The following PCDHGB7 variants were observed in gnomAD, a reference collection of about 807,000 sequenced individuals.
The protein encoded by PCDHGB7 is protocadherin gamma subfamily B, 7.
In PCDHGB7, 37 loss-of-function variants were observed where a neutral mutation model predicts 61.4. The ratio of observed to expected loss-of-function variants is 0.60; its 90% CI spans 0.46 to 0.79. The LOEUF (loss-of-function observed/expected upper bound fraction) is 0.79. Among genes scored for constraint, PCDHGB7 ranks in the 30% least tolerant of loss-of-function variants. PCDHGB7 has a pLI of 0.00. For missense variants in PCDHGB7, 1,166 were observed against 1,202.5 expected, an observed-to-expected ratio of 0.97 and a Z score of 0.45; for synonymous variants, 464 against 503.5, an observed-to-expected ratio of 0.92 and a Z score of 1.05.
In PCDHGB7 at chr5:141,478,182, A is replaced by T. The variant is rs777228133; in HGVS notation, c.2416-16625A>T. The T allele has an allele frequency of 5.0e-6, 8 of 1,613,866 alleles. No individual in the cohort carries two copies. In the South Asian group the frequency reaches 8.8e-5, roughly 18 times the overall value. ...TCTGCCCCCCGGGAGCAGAAAAAAA[A>T]TCTCACCTTTTATCTACTTCTTTCT... is the stretch of plus-strand genomic sequence containing the variant. On this transcript the variant is annotated intron_variant, in intron 1 of 3. Transcript: ENST00000398594.
Position 141,489,160 on chromosome 5 carries a change from C to A in PCDHGB7, c.2416-5647C>A. 1 of 1,029,962 alleles carries A rather than the reference C, an allele frequency of 9.7e-7. No individual in the cohort carries two copies. The highest frequency in any genetic ancestry group is 1.4e-6 in the Non-Finnish European group (1 of 701,366). 63.8% of individuals were successfully genotyped at this position (1,029,962 alleles called of 1,614,324 possible). ...GGCTGGAAGGAGACATAAGAGACTT[C>A]AGCTGCTGCATTCCAAGCCCTGGGT... On this transcript the variant is annotated intron_variant, in intron 1 of 3. Coordinates refer to ENST00000398594, the MANE Select transcript of PCDHGB7 (RefSeq NM_018927.4). The surrounding 1 kb of genome is among the most constrained non-coding windows in gnomAD (Gnocchi z 4.5).
chr5:141,508,270 G>C lies in PCDHGB7; in HGVS notation c.2564-2677G>C, dbSNP rs547745015. On this transcript the variant is annotated intron_variant, in intron 3 of 3. Coordinates refer to ENST00000398594, the MANE Select transcript of PCDHGB7 (RefSeq NM_018927.4). Reference sequence around the variant, plus strand: ...TCTCCTGGGACCAAGAGAAAATCCCGGTCCTTGACCAAGGTGGGCCTTGGG... The same window carrying C: ...TCTCCTGGGACCAAGAGAAAATCCCCGTCCTTGACCAAGGTGGGCCTTGGG... 4 of 152,228 alleles carry C rather than the reference G, an allele frequency of 2.6e-5. No individual in the cohort carries two copies. The East Asian group carries it at 7.7e-4, about 29-fold the overall frequency. 9.4% of individuals were successfully genotyped at this position (152,228 alleles called of 1,614,324 possible). A position where few individuals can be genotyped will look rare whatever the true frequency, so the allele number is the denominator to read the frequency against.
In PCDHGB7 at chr5:141,476,516, G is replaced by T. The variant is rs1042414523; in HGVS notation, c.2416-18291G>T. 1 of 1,614,016 alleles carries T rather than the reference G, an allele frequency of 6.2e-7. No individual in the cohort carries two copies. The highest frequency in any genetic ancestry group is 8.5e-7 in the Non-Finnish European group (1 of 1,180,022). ...CCAGGACATCAACGACAACAATCCT[G>T]CTTTCCCTACCCAGGAAATGAAATT... On this transcript the variant is annotated intron_variant, in intron 1 of 3. Transcript: ENST00000398594. The surrounding 1 kb of genome is among the most constrained non-coding windows in gnomAD (Gnocchi z 7.6).
At chr5:141,483,737 G>T (rs1052778197) in intron 1 of PCDHGB7, among the ~76,000 whole-genome samples, 1 of 152,102 alleles carries the variant, frequency 6.6e-6, no homozygotes, top group Admixed American at 6.5e-5. Flanking sequence ...TAGTCAAAAG[G>T]ATATTCCTGA....
intron 2 of PCDHGB7, among the ~76,000 whole-genome samples, chr5:141,495,645 C>T (rs2099762719): frequency 6.6e-6 from 1 of 152,208 alleles, no homozygotes; most frequent in South Asian, 2.1e-4. Context: ...CATTTGTCTA[C>T]TTGCATTGAT....
chr5:141,441,692 G>A (rs1165171238), intron 1 of PCDHGB7: 2 of 301,376 alleles, frequency 6.6e-6, no homozygotes, highest in Non-Finnish European at 1.3e-5. Context: ...AAGAGCAGCC[G>A]CGAGCCTTCA....
chr5:141,485,961 A>G lies in PCDHGB7; in HGVS notation c.2416-8846A>G. Reference sequence around the variant, plus strand: ...GCACCAGCGGGCATGGTGCTCATCCAGCTCAATGCCTCAGACCCGGACCTG... The same window carrying G: ...GCACCAGCGGGCATGGTGCTCATCCGGCTCAATGCCTCAGACCCGGACCTG... On this transcript the variant is annotated intron_variant, in intron 1 of 3. Coordinates refer to ENST00000398594, the MANE Select transcript of PCDHGB7 (RefSeq NM_018927.4). This position sits in a 1 kb window ranked among gnomAD's most constrained non-coding sequence, Gnocchi z 5.7. 1 of 1,614,204 alleles carries G rather than the reference A, an allele frequency of 6.2e-7. No individual in the cohort carries two copies. Among genetic ancestry groups the G allele is most frequent in the Non-Finnish European group, 8.5e-7 (1 of 1,180,028 alleles).
chr5:141,502,179 A>C (rs1403845758), intron 2 of PCDHGB7, among the ~76,000 whole-genome samples: 3 of 152,218 alleles, frequency 2.0e-5, no homozygotes, highest in African/African-American at 7.2e-5. Context: ...GGAATTTAAC[A>C]TTAATACAAT....
Position 141,469,573 on chromosome 5 carries a change from C to CTAAA in PCDHGB7, c.2416-25217_2416-25214dup, listed in dbSNP as rs1209972534. Among the ~76,000 whole-genome samples the CTAAA allele has an allele frequency of 1.4e-4, 21 of 151,674 alleles. No individual in the cohort carries two copies. In the East Asian group the frequency reaches 2.3e-3, roughly 17 times the overall value. On this transcript the variant is annotated intron_variant, in intron 1 of 3. Coordinates refer to ENST00000398594, the MANE Select transcript of PCDHGB7 (RefSeq NM_018927.4). ...CTGGCGACAGAGTGAGACTCTGTCT[C>CTAAA]TAAATAAATAAATAAATAAAACAAA...
In PCDHGB7 at chr5:141,485,145, A is replaced by G. The variant is rs766014792; in HGVS notation, c.2416-9662A>G. On this transcript the variant is annotated intron_variant, in intron 1 of 3. Coordinates refer to ENST00000398594, the MANE Select transcript of PCDHGB7 (RefSeq NM_018927.4). The surrounding 1 kb of genome is among the most constrained non-coding windows in gnomAD (Gnocchi z 5.7). Reference sequence around the variant, plus strand: ...GGGTCGGCTTCATCCGCGTCTCAGGAGCAAGTAGAGAATTAGCGGGCGGCA... The same window carrying G: ...GGGTCGGCTTCATCCGCGTCTCAGGGGCAAGTAGAGAATTAGCGGGCGGCA... The G allele has an allele frequency of 4.5e-6, 7 of 1,567,410 alleles. No individual in the cohort carries two copies. Among genetic ancestry groups the G allele is most frequent in the Non-Finnish European group, 6.1e-6 (7 of 1,142,014 alleles).
chr5:141,507,397 AC>A (rs1163501030), intron 3 of PCDHGB7: 1 of 152,144 alleles, frequency 6.6e-6, no homozygotes. Flanking sequence ...TGGCAACTCT[AC>A]CCCAGATGTC....
chr5:141,476,123 C>G lies in PCDHGB7; in HGVS notation c.2416-18684C>G. Reference sequence around the variant, plus strand: ...GGAACTGCTTTTGAGTGAGATGGTCCCAGAGGCCTGGAGGAGCGGACTGGT... The same window carrying G: ...GGAACTGCTTTTGAGTGAGATGGTCGCAGAGGCCTGGAGGAGCGGACTGGT... On this transcript the variant is annotated intron_variant, in intron 1 of 3. Coordinates refer to ENST00000398594, the MANE Select transcript of PCDHGB7 (RefSeq NM_018927.4). This position sits in a 1 kb window ranked among gnomAD's most constrained non-coding sequence, Gnocchi z 7.6. 1 of 1,602,442 alleles carries G rather than the reference C, an allele frequency of 6.2e-7. No individual in the cohort carries two copies. The highest frequency in any genetic ancestry group is 8.5e-7 in the Non-Finnish European group (1 of 1,176,022).
At chr5:141,478,279 G>A (rs2099443292) in intron 1 of PCDHGB7, 1 of 1,614,202 alleles carries the variant, frequency 6.2e-7, no homozygotes, top group Middle Eastern at 1.6e-4. Context: ...ACAAGTGGAA[G>A]CAGTCTAGAG....
At chr5:141,492,008 G>A (rs1201433644) in intron 1 of PCDHGB7, 21 of 616,588 alleles carry the variant, frequency 3.4e-5, no homozygotes, top group Admixed American at 2.9e-4. Flanking sequence ...CGATTTCCGC[G>A]GGTGTCGGGG....
Position 141,491,482 on chromosome 5 carries a change from A to G in PCDHGB7, c.2416-3325A>G. On this transcript the variant is annotated intron_variant, in intron 1 of 3. Coordinates refer to ENST00000398594, the MANE Select transcript of PCDHGB7 (RefSeq NM_018927.4). The surrounding 1 kb of genome is among the most constrained non-coding windows in gnomAD (Gnocchi z 6.9). Reference sequence around the variant, plus strand: ...GGACTTCTATAAGCAGTCCAGCCCCAACCTGCAGGTGAGCTCGGACGGCAC... The same window carrying G: ...GGACTTCTATAAGCAGTCCAGCCCCGACCTGCAGGTGAGCTCGGACGGCAC... 1 of 1,614,088 alleles carries G rather than the reference A, an allele frequency of 6.2e-7. No individual in the cohort carries two copies. The highest frequency in any genetic ancestry group is 8.5e-7 in the Non-Finnish European group (1 of 1,180,006).
Position 141,449,720 on chromosome 5 carries a change from T to C in PCDHGB7, c.2415+29446T>C, listed in dbSNP as rs373093679. 2.4e-4 allele frequency among the ~76,000 whole-genome samples: 36 copies of C among 151,876 alleles called. No individual in the cohort carries two copies. In the East Asian group the frequency reaches 3.1e-3, roughly 13 times the overall value. ...ACACAAACACATTATTTTTATATGA[T>C]ATGATTTTTTTATGACATGATTATT... On this transcript the variant is annotated intron_variant, in intron 1 of 3. Coordinates refer to ENST00000398594, the MANE Select transcript of PCDHGB7 (RefSeq NM_018927.4).
chr5:141,440,464 G>A (rs2003094), intron 1 of PCDHGB7: 3,293 of 152,144 alleles, frequency 0.022, 52 homozygotes, highest in South Asian at 0.038. Context: ...ATGAACAAAC[G>A]GTAGTTGAAA....
intron 1 of PCDHGB7, among the ~76,000 whole-genome samples, chr5:141,458,526 A>T (rs921943954): frequency 1.7e-4 from 26 of 151,492 alleles, no homozygotes; most frequent in African/African-American, 5.6e-4. Flanking sequence ...TTTTTTTTTA[A>T]CTTATCAACT....
At chr5:141,507,262 G>A (rs1294679320) in intron 3 of PCDHGB7, 6 of 151,748 alleles carry the variant, frequency 4.0e-5, no homozygotes, top group Non-Finnish European at 8.8e-5. Flanking sequence ...TAAACAGCAA[G>A]TACTATTTCA....
Sources: allele counts gnomAD v4.1 joint callset (sites outside exome capture counted in the v4.1 genomes callset), GRCh38; gene constraint gnomAD v4.1.1; non-coding constraint Gnocchi (gnomAD v3.1); transcripts MANE v1.5; gene names NCBI Gene and HGNC (gene_info 2026-07-23, HGNC 2026-07-21).